Variants in ZNF487 observed in about 807,000 individuals in gnomAD.
The protein encoded by ZNF487 is KRAB domain only 1.
A neutral mutation model predicts 3.0 loss-of-function variants in ZNF487; 4 were observed. The ratio of observed to expected loss-of-function variants is 1.35; its 90% CI spans 0.66 to 3.08. ZNF487 has a LOEUF of 3.08. Among genes scored for constraint, ZNF487 ranks in the 30% most tolerant of loss-of-function variants. ZNF487 has a pLI of 0.01. For synonymous variants in ZNF487, 55 were observed against 34.6 expected (o/e 1.59, Z -2.06); for missense variants, 146 against 98.7 (o/e 1.48, Z -2.03).
Position 43,467,219 on chromosome 10 carries a change from T to C in ZNF487, c.-93-8502T>C, listed in dbSNP as rs184943435. Among the ~76,000 whole-genome samples the C allele has an allele frequency of 2.4e-4, 37 of 152,008 alleles. No homozygotes were observed. The East Asian group carries it at 7.0e-3, about 29-fold the overall frequency. On this transcript the variant is annotated intron_variant, in intron 1 of 3. Coordinates refer to ENST00000437590, the MANE Select transcript of ZNF487 (RefSeq NM_001355444.3). Reference sequence around the variant, plus strand: ...CAAGTTTTATTTTTTATTTTTCTTTTTTTGAGACGGAGTCTTGCTGTGTCG... The same window carrying C: ...CAAGTTTTATTTTTTATTTTTCTTTCTTTGAGACGGAGTCTTGCTGTGTCG...
intron 1 of ZNF487, 59 bp downstream of exon 1, chr10:43,437,321 T>TCGAG (rs1839424025): frequency 1.1e-5 from 2 of 180,886 alleles, no homozygotes; most frequent in South Asian, 1.5e-4. Flanking sequence ...ACACCCAGGA[T>TCGAG]CGAGCGGGGA....
At chr10:43,501,153 T>C in the ZNF487 span, among the ~76,000 whole-genome samples, 2 of 152,212 alleles carry the variant, frequency 1.3e-5, no homozygotes, top group Non-Finnish European at 2.9e-5. Context: ...TGTAACACAA[T>C]GGTAAGTATT....
intron 1 of ZNF487, among the ~76,000 whole-genome samples, chr10:43,445,824 C>T (rs960979943): frequency 8.5e-5 from 13 of 152,058 alleles, no homozygotes; most frequent in African/African-American, 2.9e-4. Context: ...GAGGACCCTG[C>T]GGCCTTCCGC....
At chr10:43,505,823 A>G in the ZNF487 span, among the ~76,000 whole-genome samples, 2 of 151,908 alleles carry the variant, frequency 1.3e-5, no homozygotes, top group Non-Finnish European at 2.9e-5. Flanking sequence ...CTGTATTTTT[A>G]GTAGAGACAG....
intron 3 of ZNF487, among the ~76,000 whole-genome samples, chr10:43,479,109 A>G (rs1841214590): frequency 1.3e-5 from 1 of 78,310 alleles, no homozygotes; most frequent in South Asian, 4.5e-4. Flanking sequence ...ACACATATAT[A>G]CACATATATA....
In ZNF487 at chr10:43,481,519, T is replaced by G. The variant is rs1050495515; in HGVS notation, c.221T>G (p.Leu74Arg). The stretch of plus-strand genomic sequence containing the variant: ...GTTGATTTTGTCAACAATAAAACAC[T>G]GACTATGGACAGAAATGGTGTATTA... ...QKVDFVNNKT[L>R]TMDRNGVLGK... is the part of the protein sequence containing the mutation. Residue 74 changes from leucine (L) to arginine (R), a missense_variant, in exon 4 of 4, where the codon CTG becomes CGG. Physicochemically the swap from Leu to Arg is moderately radical, Grantham distance 102 (BLOSUM62 -2). Coordinates refer to ENST00000437590, the MANE Select transcript of ZNF487 (RefSeq NM_001355444.3). 1.4e-6 allele frequency: 1 copy of G among 716,556 alleles called. No individual in the cohort carries two copies. Among genetic ancestry groups the G allele is most frequent in the African/African-American group, 1.7e-5 (1 of 57,212 alleles). 44.4% of individuals were successfully genotyped at this position (716,556 alleles called of 1,614,324 possible). A position where few individuals can be genotyped will look rare whatever the true frequency, so the allele number is the denominator to read the frequency against.
At chr10:43,521,260 T>A in the ZNF487 span, among the ~76,000 whole-genome samples, 1 of 152,172 alleles carries the variant, frequency 6.6e-6, no homozygotes, top group African/African-American at 2.4e-5. Flanking sequence ...GGTTTATTTT[T>A]AAAAATATAC....
the ZNF487 span, among the ~76,000 whole-genome samples, chr10:43,488,911 G>A: frequency 6.6e-6 from 1 of 151,794 alleles, no homozygotes; most frequent in Admixed American, 6.6e-5. Flanking sequence ...GAGGCCAGGA[G>A]TTTGAGACCA....
intron 1 of ZNF487, among the ~76,000 whole-genome samples, chr10:43,463,051 A>G (rs997029532): frequency 3.3e-5 from 5 of 151,946 alleles, no homozygotes; most frequent in African/African-American, 1.2e-4. Flanking sequence ...CCTGACCAAC[A>G]TGGAGAAACC....
the ZNF487 span, among the ~76,000 whole-genome samples, chr10:43,497,422 G>A: frequency 6.6e-6 from 1 of 152,212 alleles, no homozygotes; most frequent in African/African-American, 2.4e-5. Context: ...TTTGAGCAAA[G>A]AAGTGACAGG....
downstream of ZNF487, among the ~76,000 whole-genome samples, chr10:43,485,422 GAA>G: frequency 6.6e-6 from 1 of 152,172 alleles, no homozygotes; most frequent in Admixed American, 6.5e-5. Flanking sequence ...TTTCCATAAA[GAA>G]AAACCATATT....
At chr10:43,497,243 C>T in the ZNF487 span, among the ~76,000 whole-genome samples, 1 of 152,084 alleles carries the variant, frequency 6.6e-6, no homozygotes, top group Admixed American at 6.6e-5. Flanking sequence ...ATATAATGAT[C>T]CTACTGTGAG....
At chr10:43,512,284 G>A in the ZNF487 span, among the ~76,000 whole-genome samples, 928 of 152,290 alleles carry the variant, frequency 6.1e-3, 6 homozygotes, top group Middle Eastern at 0.027. Flanking sequence ...GGCAGGAGTG[G>A]AGACCATGGG....
At chr10:43,504,618 G>GA in the ZNF487 span, among the ~76,000 whole-genome samples, 13 of 151,670 alleles carry the variant, frequency 8.6e-5, no homozygotes, top group Non-Finnish European at 1.6e-4. Flanking sequence ...GTACCATTTT[G>GA]AATTTTTTCA....
chr10:43,488,248 T>A, the ZNF487 span, among the ~76,000 whole-genome samples: 1 of 152,206 alleles, frequency 6.6e-6, no homozygotes, highest in Non-Finnish European at 1.5e-5. Context: ...TCCAAATTAT[T>A]AATTATCTGG....
the ZNF487 span, among the ~76,000 whole-genome samples, chr10:43,495,144 CAACA>C: frequency 2.0e-5 from 3 of 151,452 alleles, no homozygotes; most frequent in Admixed American, 2.0e-4. Context: ...ATCCTTTCAC[CAACA>C]AACAGTACTA....
chr10:43,503,024 T>A, the ZNF487 span, among the ~76,000 whole-genome samples: 1 of 66,716 alleles, frequency 1.5e-5, no homozygotes, highest in Non-Finnish European at 2.8e-5. Flanking sequence ...TGAGACCCTG[T>A]CTCAAAAAAA....
At chr10:43,515,098 A>T in the ZNF487 span, among the ~76,000 whole-genome samples, 1 of 152,210 alleles carries the variant, frequency 6.6e-6, no homozygotes, top group African/African-American at 2.4e-5. Context: ...GTGGACTCAA[A>T]TCAATAAATT....
At chr10:43,441,034 ATTTTTTTTT>A (rs763451709) in intron 1 of ZNF487, among the ~76,000 whole-genome samples, 907 of 44,526 alleles carry the variant, frequency 0.02, 3 homozygotes, top group Non-Finnish European at 0.024. Flanking sequence ...ACCTGGTTAA[ATTTTTTTTT>A]TTTTTTTTTT....
Sources: allele counts gnomAD v4.1 joint callset (sites outside exome capture counted in the v4.1 genomes callset), GRCh38; gene constraint gnomAD v4.1.1; transcripts MANE v1.5; gene names NCBI Gene and HGNC (gene_info 2026-07-23, HGNC 2026-07-21).